The following TSHZ2 variants were observed in gnomAD, a reference collection of about 807,000 sequenced individuals.
TSHZ2 encodes teashirt zinc finger homeobox 2, also known as teashirt homolog 2.
TSHZ2 carries 21 observed loss-of-function variants against 74.4 expected under a neutral mutation model. The ratio of observed to expected loss-of-function variants is 0.28; its 90% confidence interval spans 0.20 to 0.41. The LOEUF (loss-of-function observed/expected upper bound fraction) is 0.41, where lower values mean the gene tolerates loss of function less well. Ranked by LOEUF, TSHZ2 falls within the 10% of genes least tolerant of loss-of-function variation. The pLI is 1.00. For missense variants in TSHZ2, 1,244 were observed against 1,293.5 expected (o/e 0.96, Z 0.59); for synonymous variants, 540 against 515.3 (o/e 1.05, Z -0.65).
chr20:52,986,415 A>AG (rs1259021296), intron 1 of TSHZ2, among the ~76,000 whole-genome samples: 1,686 of 139,802 alleles, frequency 0.012, 18 homozygotes, highest in African/African-American at 0.038. Context: ...AAAAAAAAAA[A>AG]AAAGAAAGAA....
At chr20:53,359,043 T>A (rs1044451155) in intron 2 of TSHZ2, among the ~76,000 whole-genome samples, 7 of 152,198 alleles carry the variant, frequency 4.6e-5, no homozygotes, top group Non-Finnish European at 7.4e-5. Context: ...CTTGAAAACA[T>A]TCCCATGTTA....
At chr20:53,440,411 G>A (rs1266589986) in intron 2 of TSHZ2, among the ~76,000 whole-genome samples, 1 of 152,214 alleles carries the variant, frequency 6.6e-6, no homozygotes, top group Non-Finnish European at 1.5e-5. Flanking sequence ...CATTTCTGAT[G>A]CATCATTTCA....
At chr20:53,288,555 C>T (rs79271792) in intron 2 of TSHZ2, among the ~76,000 whole-genome samples, 31 of 152,218 alleles carry the variant, frequency 2.0e-4, no homozygotes, top group African/African-American at 7.2e-4. Flanking sequence ...ATCCCATCAA[C>T]AGTGATTGGG....
At chr20:53,202,239 T>C (rs1443403746) in intron 1 of TSHZ2, among the ~76,000 whole-genome samples, 2 of 152,136 alleles carry the variant, frequency 1.3e-5, no homozygotes, top group African/African-American at 4.8e-5. Context: ...CTGGCTTTGG[T>C]TTTATAATTA....
At chr20:52,990,687 G>A (rs752440569) in intron 1 of TSHZ2, among the ~76,000 whole-genome samples, 3 of 152,152 alleles carry the variant, frequency 2.0e-5, no homozygotes, top group Non-Finnish European at 4.4e-5. Context: ...AGTCAATCCC[G>A]CAATTTAACA....
At chr20:53,126,710 A>C (rs1986956127) in intron 1 of TSHZ2, among the ~76,000 whole-genome samples, 1 of 152,190 alleles carries the variant, frequency 6.6e-6, no homozygotes, top group African/African-American at 2.4e-5. Flanking sequence ...TCTTGAAACA[A>C]AATAGCATAT....
chr20:53,165,209 A>G (rs1988038999), intron 1 of TSHZ2, among the ~76,000 whole-genome samples: 1 of 152,208 alleles, frequency 6.6e-6, no homozygotes, highest in Non-Finnish European at 1.5e-5. Flanking sequence ...ATTTGGACGC[A>G]AGGTTTTACC....
intron 1 of TSHZ2, among the ~76,000 whole-genome samples, chr20:53,036,684 TGTG>T (rs1983831195): frequency 6.8e-6 from 1 of 147,698 alleles, no homozygotes; most frequent in Non-Finnish European, 1.5e-5. Context: ...GTACATAATA[TGTG>T]TATGTATTAC....
chr20:53,234,091 C>A (rs1600757657), intron 1 of TSHZ2, among the ~76,000 whole-genome samples: 1 of 152,170 alleles, frequency 6.6e-6, no homozygotes, highest in Non-Finnish European at 1.5e-5. Flanking sequence ...GCAAGTATTT[C>A]TGTATTTCTA....
At chr20:53,241,230 A>G (rs1990062437) in intron 1 of TSHZ2, among the ~76,000 whole-genome samples, 1 of 152,118 alleles carries the variant, frequency 6.6e-6, no homozygotes, top group Non-Finnish European at 1.5e-5. Context: ...AATATCGAAG[A>G]CCTATATATT....
rs1046703908 is a variant in TSHZ2 at position 53,201,493 on chromosome 20, A to G, written c.41-52006A>G. ...CGATTCTCCCACCTCCCTCTCATAA[A>G]GCCCCTTTGGGTCCTTCTCATTTTG... On this transcript the variant is annotated intron_variant, in intron 1 of 2. Transcript: ENST00000371497. Among the ~76,000 whole-genome samples, 3 of 152,224 alleles carry G rather than the reference A, an allele frequency of 2.0e-5. No individual in the cohort carries two copies. In the East Asian group the frequency reaches 5.8e-4, roughly 29 times the overall value.
At chr20:53,393,769 C>A (rs1180495617) in intron 2 of TSHZ2, among the ~76,000 whole-genome samples, 2 of 152,088 alleles carry the variant, frequency 1.3e-5, no homozygotes, top group Non-Finnish European at 2.9e-5. Context: ...ATATTGTACT[C>A]CAGCTATTTA....
At chr20:53,069,662 TACACACACACACACAC>T (rs11471151) in intron 1 of TSHZ2, among the ~76,000 whole-genome samples, 40,114 of 138,814 alleles carry the variant, frequency 0.29, 5,970 homozygotes, top group Admixed American at 0.37. Context: ...AATGCTTTGA[TACACACACACACACAC>T]ACACACACAC....
At chr20:53,410,201 A>T (rs1194368864) in intron 2 of TSHZ2, among the ~76,000 whole-genome samples, 1 of 152,116 alleles carries the variant, frequency 6.6e-6, no homozygotes, top group Non-Finnish European at 1.5e-5. Flanking sequence ...TCCCAGGATG[A>T]AGGTGACTCT....
At chr20:52,991,586 C>A (rs895377162) in intron 1 of TSHZ2, among the ~76,000 whole-genome samples, 1 of 132,424 alleles carries the variant, frequency 7.6e-6, no homozygotes, top group East Asian at 2.5e-4. Context: ...AGTGTGAAAG[C>A]TTTTCTGATG....
At chr20:53,294,054 G>C (rs1991331629) in intron 2 of TSHZ2, among the ~76,000 whole-genome samples, 1 of 152,160 alleles carries the variant, frequency 6.6e-6, no homozygotes, top group Non-Finnish European at 1.5e-5. Context: ...AACAGGTCCT[G>C]ATTTGCCGTG....
chr20:53,043,746 T>C (rs1418904028), intron 1 of TSHZ2, among the ~76,000 whole-genome samples: 1 of 152,050 alleles, frequency 6.6e-6, no homozygotes, highest in African/African-American at 2.4e-5. Context: ...GTCTCAAAGA[T>C]AGGCAATCTT....
rs1434158163 is a variant in TSHZ2 at position 53,073,017 on chromosome 20, CCCTCCATCCATCCCTT to C, written c.40+99696_40+99711del. ...TCCATCCCTCCCTCCATCCATCCCT[CCCTCCATCCATCCCTT>C]CCTCCATCCATTCCTCCTTAATCCA... On this transcript the variant is annotated intron_variant, in intron 1 of 2. Coordinates refer to ENST00000371497, the MANE Select transcript of TSHZ2 (RefSeq NM_173485.6). Among the ~76,000 whole-genome samples the C allele has an allele frequency of 1.6e-3, 238 of 150,162 alleles. 1 individual carries two copies. The highest frequency in any genetic ancestry group is 5.4e-3 in the African/African-American group (219 of 40,776).
chr20:53,118,885 G>A (rs540355026), intron 1 of TSHZ2, among the ~76,000 whole-genome samples: 206 of 152,272 alleles, frequency 1.4e-3, no homozygotes, highest in South Asian at 4.2e-3. Context: ...TGCTGGCATC[G>A]GCTCAAGAAG....
Sources: allele counts gnomAD v4.1 joint callset (sites outside exome capture counted in the v4.1 genomes callset), GRCh38; gene constraint gnomAD v4.1.1; transcripts MANE v1.5; gene names NCBI Gene and HGNC (gene_info 2026-07-23, HGNC 2026-07-21).